Variants in TENM3 observed in about 807,000 individuals in gnomAD.
TENM3 encodes the protein teneurin transmembrane protein 3.
Under a neutral mutation model 255.1 loss-of-function variants are expected in TENM3, and 63 were observed. The observed-to-expected ratio is 0.25, with a 90% CI of 0.20 to 0.30. The LOEUF (loss-of-function observed/expected upper bound fraction) is 0.30, where lower values mean the gene tolerates loss of function less well. TENM3 is among the 10% of genes least tolerant of loss of function. The pLI, the probability that TENM3 is intolerant of heterozygous loss-of-function variation, is 1.00. For synonymous variants in TENM3, 1,306 were observed against 1,322.3 expected (o/e 0.99, Z 0.27); for missense variants, 2,929 against 3,461.1 (o/e 0.85, Z 3.86).
chr4:181,815,197 A>G, the TENM3 span, among the ~76,000 whole-genome samples: 1 of 152,136 alleles, frequency 6.6e-6, no homozygotes, highest in Admixed American at 6.5e-5. Flanking sequence ...CACACCTGTA[A>G]TCCCAGCACT....
the TENM3 span, among the ~76,000 whole-genome samples, chr4:181,692,387 C>T: frequency 1.2e-4 from 19 of 152,224 alleles, no homozygotes; most frequent in South Asian, 1.7e-3. Context: ...CAGAGCATTA[C>T]GTGTGTCATG....
At chr4:181,620,292 T>G in the TENM3 span, among the ~76,000 whole-genome samples, 1 of 151,680 alleles carries the variant, frequency 6.6e-6, no homozygotes, top group African/African-American at 2.4e-5. Flanking sequence ...TAAAATAAAA[T>G]AAAATAAAAT....
intron 1 of TENM3, among the ~76,000 whole-genome samples, chr4:182,186,099 CTG>C (rs1753132191): frequency 6.6e-6 from 1 of 152,074 alleles, no homozygotes; most frequent in Non-Finnish European, 1.5e-5. Flanking sequence ...AAAAGAAAAA[CTG>C]TCTTTGTTAA....
chr4:182,240,379 A>G (rs983076959), upstream of TENM3, among the ~76,000 whole-genome samples: 2 of 152,108 alleles, frequency 1.3e-5, no homozygotes, highest in African/African-American at 4.8e-5. Flanking sequence ...CACATTCTTT[A>G]AATATTTTCT....
At chr4:182,646,231 A>G (rs1246467807) in intron 5 of TENM3, among the ~76,000 whole-genome samples, 1 of 152,204 alleles carries the variant, frequency 6.6e-6, no homozygotes, top group African/African-American at 2.4e-5. Flanking sequence ...AGTAACTCCA[A>G]TATATGTCCA....
At chr4:182,284,493 C>T (rs1039772888) in intron 1 of TENM3, among the ~76,000 whole-genome samples, 1 of 152,086 alleles carries the variant, frequency 6.6e-6, no homozygotes, top group African/African-American at 2.4e-5. Flanking sequence ...GTGGTGTTTT[C>T]AGCGTATTGA....
At chr4:182,378,958 C>T (rs1001348860) in intron 3 of TENM3, among the ~76,000 whole-genome samples, 10 of 152,078 alleles carry the variant, frequency 6.6e-5, no homozygotes, top group South Asian at 6.2e-4. Context: ...TAACTGGGTA[C>T]GTGGCAGAAG....
the TENM3 span, among the ~76,000 whole-genome samples, chr4:181,798,468 T>C: frequency 1.2e-4 from 18 of 152,160 alleles, no homozygotes; most frequent in South Asian, 2.5e-3. Flanking sequence ...TGACTTTATA[T>C]TGGGCTTCCG....
the TENM3 span, among the ~76,000 whole-genome samples, chr4:181,460,806 T>A: frequency 9.9e-5 from 15 of 151,838 alleles, no homozygotes; most frequent in African/African-American, 3.6e-4. Flanking sequence ...ATTTCCTCCC[T>A]TCTTTCTTTG....
At chr4:181,622,987 A>G in the TENM3 span, among the ~76,000 whole-genome samples, 2 of 152,210 alleles carry the variant, frequency 1.3e-5, no homozygotes, top group African/African-American at 4.8e-5. Flanking sequence ...TTTTTTAGAA[A>G]TAACTTGTAG....
At chr4:181,570,035 C>CTTTTTT in the TENM3 span, among the ~76,000 whole-genome samples, 4 of 113,874 alleles carry the variant, frequency 3.5e-5, no homozygotes, top group Admixed American at 9.4e-5. Flanking sequence ...ACAAATGTTT[C>CTTTTTT]TTTTTTTTTT....
chr4:182,623,306 T>C (rs10014565), intron 4 of TENM3, among the ~76,000 whole-genome samples: 115,919 of 150,682 alleles, frequency 0.77, 44,821 homozygotes, highest in African/African-American at 0.88. Flanking sequence ...AGCCACCACG[T>C]CTGACCCTAT....
At chr4:181,777,249 A>C in the TENM3 span, among the ~76,000 whole-genome samples, 2 of 152,044 alleles carry the variant, frequency 1.3e-5, no homozygotes, top group Non-Finnish European at 1.5e-5. Context: ...TGGATTCTCT[A>C]TTCTGTTCCA....
intron 3 of TENM3, among the ~76,000 whole-genome samples, chr4:182,350,731 C>T (rs759915845): frequency 2.6e-5 from 4 of 152,188 alleles, no homozygotes; most frequent in Non-Finnish European, 5.9e-5. Context: ...GTCGCCCAGG[C>T]TGGAGTGCAG....
chr4:181,675,751 T>C, the TENM3 span, among the ~76,000 whole-genome samples: 1 of 152,092 alleles, frequency 6.6e-6, no homozygotes, highest in Non-Finnish European at 1.5e-5. Context: ...GGGGTAAACA[T>C]TTTTCTCTGA....
At chr4:182,528,181 G>A (rs910835427) in intron 3 of TENM3, among the ~76,000 whole-genome samples, 1 of 151,936 alleles carries the variant, frequency 6.6e-6, no homozygotes, top group African/African-American at 2.4e-5. Flanking sequence ...GCAGTGTCAC[G>A]ATCTTGGCTC....
chr4:182,501,361 T>G (rs1016538927), intron 3 of TENM3, among the ~76,000 whole-genome samples: 2 of 98,586 alleles, frequency 2.0e-5, no homozygotes, highest in Non-Finnish European at 4.7e-5. Context: ...TAGTTAAAGC[T>G]ATGTCTAAAA....
chr4:182,108,708 G>T, the TENM3 span, among the ~76,000 whole-genome samples: 2 of 152,080 alleles, frequency 1.3e-5, no homozygotes, highest in East Asian at 1.9e-4. Context: ...TGTGAAAAGA[G>T]CAAAAAGCCA....
chr4:182,352,019 TTAAA>T (rs1765214974), intron 3 of TENM3, among the ~76,000 whole-genome samples: 1 of 152,062 alleles, frequency 6.6e-6, no homozygotes, highest in Non-Finnish European at 1.5e-5. Flanking sequence ...GAAGATTAAG[TTAAA>T]TAAACAATAT....
Sources: allele counts gnomAD v4.1 joint callset (sites outside exome capture counted in the v4.1 genomes callset), GRCh38; gene constraint gnomAD v4.1.1; transcripts MANE v1.5; gene names NCBI Gene and HGNC (gene_info 2026-07-23, HGNC 2026-07-21).